Variants in CHN1 observed in about 807,000 individuals in gnomAD.
CHN1 encodes the protein chimerin 1.
CHN1 carries 37 observed loss-of-function variants against 59.5 expected under a neutral mutation model. The observed-to-expected ratio is 0.62, with a 90% CI of 0.48 to 0.82. The LOEUF (loss-of-function observed/expected upper bound fraction) is 0.82. Among genes scored for constraint, CHN1 ranks in the 40% least tolerant of loss-of-function variants. The pLI is 0.00. For synonymous variants in CHN1, 206 were observed against 200.4 expected, an observed-to-expected ratio of 1.03 and a Z score of -0.24; for missense variants, 469 against 571.0, an observed-to-expected ratio of 0.82 and a Z score of 1.82.
At chr2:174,910,308 T>C (rs141134800) in intron 5 of CHN1, among the ~76,000 whole-genome samples, 7 of 152,186 alleles carry the variant, frequency 4.6e-5, no homozygotes, top group African/African-American at 1.4e-4. Flanking sequence ...GGAACCAACA[T>C]TGACAGACAG....
chr2:174,906,119 A>G (rs1310172446), intron 5 of CHN1, among the ~76,000 whole-genome samples: 3 of 151,142 alleles, frequency 2.0e-5, no homozygotes, highest in Non-Finnish European at 3.0e-5. Context: ...CTAGGTATAT[A>G]CCCAAAAGAA....
chr2:174,871,103 T>A (rs1394346446), intron 6 of CHN1, among the ~76,000 whole-genome samples: 1 of 150,774 alleles, frequency 6.6e-6, no homozygotes, highest in African/African-American at 2.5e-5. Context: ...TCTTTAATCA[T>A]TACAGCATGG....
chr2:174,869,906 G>A lies in CHN1; in HGVS notation c.549+7934C>T, dbSNP rs140063314. ...CAGGGGTGTAAAATCTCTTAAGAAGGTGCTAAACAATCTGCAGCTTGCATA... is the reference window on the plus strand; with the variant it reads ...CAGGGGTGTAAAATCTCTTAAGAAGATGCTAAACAATCTGCAGCTTGCATA... On this transcript the variant is annotated intron_variant, in intron 6 of 12. Coordinates refer to ENST00000409900, the MANE Select transcript of CHN1 (RefSeq NM_001822.7). Among the ~76,000 whole-genome samples, 301 of 152,214 alleles carry A rather than the reference G, an allele frequency of 2.0e-3. 1 individual carries two copies. Among genetic ancestry groups the A allele is most frequent in the African/African-American group, 6.8e-3 (284 of 41,530 alleles).
chr2:174,845,172 T>C (rs1404537893), intron 7 of CHN1, among the ~76,000 whole-genome samples: 1 of 152,200 alleles, frequency 6.6e-6, no homozygotes, highest in African/African-American at 2.4e-5. Flanking sequence ...TAATCAATAT[T>C]GATAAAAAGC....
intron 2 of CHN1, among the ~76,000 whole-genome samples, chr2:174,948,121 C>T (rs912226005): frequency 2.0e-5 from 3 of 152,128 alleles, no homozygotes; most frequent in Admixed American, 1.3e-4. Flanking sequence ...CCAAAGATCA[C>T]AAATTGGTAT....
chr2:174,840,602 G>T (rs1310910253), intron 7 of CHN1, among the ~76,000 whole-genome samples: 1 of 152,138 alleles, frequency 6.6e-6, no homozygotes, highest in African/African-American at 2.4e-5. Flanking sequence ...TAACAGAGTG[G>T]TCTGCACACA....
chr2:174,978,097 T>C (rs1691011361), intron 1 of CHN1, among the ~76,000 whole-genome samples: 1 of 152,206 alleles, frequency 6.6e-6, no homozygotes, highest in South Asian at 2.1e-4. Context: ...GATGGTATAT[T>C]ACAGTTTAAA....
At chr2:174,966,900 A>G (rs569021589) in intron 1 of CHN1, among the ~76,000 whole-genome samples, 1 of 152,304 alleles carries the variant, frequency 6.6e-6, no homozygotes, top group Admixed American at 6.5e-5. Flanking sequence ...CAGCATTCCC[A>G]ACTGGTTCCC....
intron 7 of CHN1, among the ~76,000 whole-genome samples, chr2:174,844,656 CTG>C (rs1339838213): frequency 6.6e-6 from 1 of 152,140 alleles, no homozygotes; most frequent in Non-Finnish European, 1.5e-5. Flanking sequence ...AAGCGAGCGT[CTG>C]TGTGGGAGAG....
intron 3 of CHN1, among the ~76,000 whole-genome samples, chr2:174,940,779 T>C (rs974249650): frequency 3.7e-4 from 56 of 152,160 alleles, no homozygotes; most frequent in African/African-American, 1.3e-3. Context: ...GGCATATTTT[T>C]CTCTATGCAA....
chr2:174,867,125 G>T (rs1281884765), intron 6 of CHN1, among the ~76,000 whole-genome samples: 3 of 149,936 alleles, frequency 2.0e-5, no homozygotes, highest in Admixed American at 6.6e-5. Flanking sequence ...TGTAATCCTA[G>T]CACTTTGGGA....
At chr2:174,922,840 A>T (rs555244662) in intron 3 of CHN1, among the ~76,000 whole-genome samples, 1 of 152,284 alleles carries the variant, frequency 6.6e-6, no homozygotes, top group East Asian at 1.9e-4. Flanking sequence ...CTAACATGGC[A>T]AAATCATTAA....
At chr2:174,859,002 A>G (rs1157740556) in intron 6 of CHN1, among the ~76,000 whole-genome samples, 1 of 151,854 alleles carries the variant, frequency 6.6e-6, no homozygotes, top group Non-Finnish European at 1.5e-5. Context: ...ACACACACAC[A>G]CACACACACA....
chr2:174,821,792 A>C, intron 8 of CHN1: 1 of 434,736 alleles, frequency 2.3e-6, no homozygotes, highest in Non-Finnish European at 4.6e-6. Context: ...GTGAGAAATA[A>C]ATTTCTGTTA....
intron 1 of CHN1, among the ~76,000 whole-genome samples, chr2:174,954,634 G>A (rs376982589): frequency 2.1e-4 from 32 of 152,050 alleles, no homozygotes; most frequent in African/African-American, 7.7e-4. Context: ...GTGGGCTAAG[G>A]ACATGAATAA....
intron 1 of CHN1, among the ~76,000 whole-genome samples, chr2:174,999,946 C>T (rs1275300961): frequency 1.3e-4 from 20 of 152,142 alleles, no homozygotes; most frequent in Admixed American, 1.3e-3. Context: ...TGGTTACCTG[C>T]AGAGACAGAT....
chr2:174,876,774 T>C (rs1188587737), intron 6 of CHN1, among the ~76,000 whole-genome samples: 1 of 152,180 alleles, frequency 6.6e-6, no homozygotes, highest in Non-Finnish European at 1.5e-5. Flanking sequence ...GGCTGCTATA[T>C]AATAACATTA....
intron 7 of CHN1, among the ~76,000 whole-genome samples, chr2:174,836,001 C>T (rs996136404): frequency 6.6e-6 from 1 of 152,200 alleles, no homozygotes; most frequent in African/African-American, 2.4e-5. Flanking sequence ...GAAGGCTCCT[C>T]GGCAGATCTC....
intron 1 of CHN1, among the ~76,000 whole-genome samples, chr2:174,955,625 GAAAT>G (rs1287590981): frequency 2.0e-5 from 3 of 150,826 alleles, no homozygotes; most frequent in Admixed American, 1.3e-4. Context: ...AAAATCTATA[GAAAT>G]AAATAAATAA....
Sources: gnomAD v4.1 joint callset for allele counts (sites outside exome capture counted in the v4.1 genomes callset) on GRCh38, gnomAD v4.1.1 for gene constraint, MANE v1.5 for transcripts, NCBI Gene and HGNC (gene_info 2026-07-23, HGNC 2026-07-21) for gene names.